ERC2: variants seen among roughly 807,000 people sequenced by gnomAD.
ERC2 encodes ELKS/RAB6-interacting/CAST family member 2, also known as ERC protein 2.
Under a neutral mutation model 114.8 loss-of-function variants are expected in ERC2, and 42 were observed. The ratio of observed to expected loss-of-function variants is 0.37; its 90% CI spans 0.29 to 0.47. The LOEUF (loss-of-function observed/expected upper bound fraction) is 0.47, where lower values mean the gene tolerates loss of function less well. ERC2 is among the 20% of genes least tolerant of loss of function. ERC2 has a pLI of 0.99. For synonymous variants in ERC2, 454 were observed against 425.5 expected (o/e 1.07, Z -0.82); for missense variants, 939 against 1,150.7 (o/e 0.82, Z 2.66).
chr3:56,171,985 C>CAA (rs1291429804), intron 4 of ERC2, among the ~76,000 whole-genome samples: 1 of 119,016 alleles, frequency 8.4e-6, no homozygotes, highest in South Asian at 2.9e-4. Flanking sequence ...AAACAAAAAA[C>CAA]AAAAAAAAAA....
At chr3:56,457,456 C>G (rs914582529) in intron 1 of ERC2, among the ~76,000 whole-genome samples, 5 of 152,306 alleles carry the variant, frequency 3.3e-5, no homozygotes, top group African/African-American at 1.2e-4. Context: ...GCCACCCTCT[C>G]TTCCCAATGT....
At chr3:56,202,144 C>T (rs563988262) in intron 3 of ERC2, among the ~76,000 whole-genome samples, 1 of 152,266 alleles carries the variant, frequency 6.6e-6, no homozygotes, top group Admixed American at 6.5e-5. Context: ...CAGTCACTTT[C>T]CCTAGTAACC....
At chr3:56,278,154 A>T (rs1231589087) in intron 3 of ERC2, among the ~76,000 whole-genome samples, 1 of 152,250 alleles carries the variant, frequency 6.6e-6, no homozygotes, top group Non-Finnish European at 1.5e-5. Flanking sequence ...TGATGATGAC[A>T]ACAACAACTA....
At chr3:56,011,497 G>A (rs952565587) in intron 8 of ERC2, among the ~76,000 whole-genome samples, 14 of 152,178 alleles carry the variant, frequency 9.2e-5, no homozygotes, top group Admixed American at 1.3e-4. Context: ...TACACCTGGA[G>A]CCATTCAAGG....
intron 17 of ERC2, among the ~76,000 whole-genome samples, chr3:55,608,337 C>T (rs1367013965): frequency 1.3e-5 from 2 of 152,170 alleles, no homozygotes; most frequent in Non-Finnish European, 2.9e-5. Context: ...TTTCCCTCCA[C>T]CAAGTAAGTA....
intron 13 of ERC2, among the ~76,000 whole-genome samples, chr3:55,938,902 C>A (rs1054939556): frequency 6.6e-6 from 1 of 152,038 alleles, no homozygotes. Flanking sequence ...ATATTTTAAA[C>A]CTGGAAATAT....
intron 14 of ERC2, among the ~76,000 whole-genome samples, chr3:55,821,802 GGAGAC>G (rs1218291439): frequency 1.3e-5 from 2 of 152,194 alleles, no homozygotes; most frequent in Non-Finnish European, 2.9e-5. Flanking sequence ...GGCCCTTTAT[GGAGAC>G]TATCTGATGA....
At chr3:55,610,591 T>C (rs1435489159) in intron 17 of ERC2, 1 of 150,884 alleles carries the variant, frequency 6.6e-6, no homozygotes, top group East Asian at 2.0e-4. Context: ...GTACCAACTA[T>C]CCGGAAGGCT....
intron 2 of ERC2, among the ~76,000 whole-genome samples, chr3:56,350,681 CA>C (rs2058520106): frequency 6.6e-6 from 1 of 152,080 alleles, no homozygotes; most frequent in Non-Finnish European, 1.5e-5. Context: ...AGGGACAGTG[CA>C]ACTTGTCAAA....
chr3:56,283,330 A>C (rs1418476486), intron 3 of ERC2, among the ~76,000 whole-genome samples: 1 of 152,206 alleles, frequency 6.6e-6, no homozygotes, highest in Non-Finnish European at 1.5e-5. Context: ...TGGAACACCT[A>C]CATTAAGAGT....
chr3:55,592,149 G>A (rs1281318222), intron 17 of ERC2, among the ~76,000 whole-genome samples: 4 of 152,182 alleles, frequency 2.6e-5, no homozygotes, highest in South Asian at 4.1e-4. Context: ...GCTCATGAAC[G>A]AATCCGGCTT....
intron 14 of ERC2, among the ~76,000 whole-genome samples, chr3:55,753,629 T>G (rs2066864380): frequency 6.6e-6 from 1 of 152,154 alleles, no homozygotes; most frequent in Non-Finnish European, 1.5e-5. Flanking sequence ...TGGTGTAAAA[T>G]CACCAGTCCG....
chr3:56,033,659 T>C (rs2074614365), intron 7 of ERC2, among the ~76,000 whole-genome samples: 1 of 152,220 alleles, frequency 6.6e-6, no homozygotes, highest in African/African-American at 2.4e-5. Context: ...GTATTCTTGG[T>C]TGGCAGGTTT....
chr3:55,854,449 T>C (rs949914972), intron 14 of ERC2, among the ~76,000 whole-genome samples: 1 of 152,170 alleles, frequency 6.6e-6, no homozygotes, highest in Non-Finnish European at 1.5e-5. Context: ...ATCCAAAAGC[T>C]AAGAAAATCT....
At chr3:56,084,867 T>TAAA (rs35491624) in intron 6 of ERC2, among the ~76,000 whole-genome samples, 2 of 133,074 alleles carry the variant, frequency 1.5e-5, no homozygotes, top group Non-Finnish European at 3.2e-5. Flanking sequence ...ATTTAAAAAT[T>TAAA]AAAAAAAAAA....
chr3:56,315,708 G>A (rs887767291), intron 2 of ERC2, among the ~76,000 whole-genome samples: 1 of 151,700 alleles, frequency 6.6e-6, no homozygotes. Flanking sequence ...TTCATCCCTT[G>A]ATGTTTATTT....
chr3:56,283,592 A>C (rs2054492516), intron 3 of ERC2, among the ~76,000 whole-genome samples: 1 of 152,264 alleles, frequency 6.6e-6, no homozygotes, highest in African/African-American at 2.4e-5. Flanking sequence ...ATCACCTTGC[A>C]ATGTATTCTA....
chr3:56,264,132 A>T lies in ERC2; in HGVS notation c.1074+31887T>A, dbSNP rs191887343. ...TCATGTTGAAAATTCTCAAGAAATT[A>T]GGTTAAACAAAGTAGTTTCCTCAGC... On this transcript the variant is annotated intron_variant, in intron 3 of 17. Transcript: ENST00000288221. Among the ~76,000 whole-genome samples the T allele has an allele frequency of 2.5e-3, 376 of 152,370 alleles. 4 individuals carry two copies. The highest frequency in any genetic ancestry group is 0.023 in the South Asian group (113 of 4,830).
chr3:55,762,671 T>G (rs2067526771), intron 14 of ERC2, among the ~76,000 whole-genome samples: 1 of 152,214 alleles, frequency 6.6e-6, no homozygotes, highest in South Asian at 2.1e-4. Flanking sequence ...GAAGGCAGTG[T>G]GGCTCAGTCT....
Sources: allele counts gnomAD v4.1 joint callset (sites outside exome capture counted in the v4.1 genomes callset), GRCh38; gene constraint gnomAD v4.1.1; transcripts MANE v1.5; gene names NCBI Gene and HGNC (gene_info 2026-07-23, HGNC 2026-07-21).